Variants in MMP10 observed in about 807,000 individuals in gnomAD.
MMP10 encodes the protein stromelysin-2.
In MMP10, 50 loss-of-function variants were observed where a neutral mutation model predicts 49.1. That is an observed-to-expected ratio of 1.02 (90% CI 0.81 to 1.29). MMP10 has a LOEUF of 1.29. Ranked by LOEUF, MMP10 falls within the 50% of genes most tolerant of loss-of-function variation. The pLI is 0.00. For missense variants in MMP10, 613 were observed against 563.8 expected, an observed-to-expected ratio of 1.09 and a Z score of -0.88; for synonymous variants, 229 against 201.6, an observed-to-expected ratio of 1.14 and a Z score of -1.15.
Position 102,779,547 on chromosome 11 carries a change from A to G in MMP10, c.304T>C (p.Phe102Leu). ...TTCCTCCACTTCGGCATGCCAGGAA[A>G]GGAGCTGAAGTGACCAACGTCAGGA... ...GVPDVGHFSS[F>L]PGMPKWRKTH... The change falls in exon 2 of 10, where the codon TTT becomes CTT. Residue 102 changes from phenylalanine to leucine, a missense_variant. Coordinates refer to ENST00000279441, the MANE Select transcript of MMP10 (RefSeq NM_002425.3). The G allele has an allele frequency of 6.2e-7, 1 of 1,614,112 alleles. No homozygotes were observed. Among genetic ancestry groups the G allele is most frequent in the Non-Finnish European group, 8.5e-7 (1 of 1,180,026 alleles).
intron 1 of MMP10, among the ~76,000 whole-genome samples, chr11:102,780,130 A>G (rs1325073732): frequency 4.6e-5 from 7 of 152,188 alleles, no homozygotes; most frequent in Non-Finnish European, 2.9e-5. Flanking sequence ...TATGAAAACT[A>G]TTACCTGATA....
At position 102,779,415 on chromosome 11, in the gene MMP10, T is replaced by A. The variant is rs1315951007; in HGVS notation, c.348-54A>T. 6 of 1,608,506 alleles carry A rather than the reference T, an allele frequency of 3.7e-6. No individual in the cohort carries two copies. In the African/African-American group the frequency reaches 6.7e-5, roughly 18 times the overall value. ...ATTTTCTCCTGCCTTTATGAAAAAT[T>A]GTTAAAGAAAACTTTATGTTACTTA... On this transcript the variant is annotated intron_variant, in intron 2 of 9. Transcript: ENST00000279441.
At chr11:102,774,340 GCAA>G (rs1380554671) in intron 7 of MMP10, among the ~76,000 whole-genome samples, 1 of 151,730 alleles carries the variant, frequency 6.6e-6, no homozygotes, top group Non-Finnish European at 1.5e-5. Flanking sequence ...AAAAATTAAG[GCAA>G]CAATAAAGAT....
chr11:102,770,568 T>C lies in MMP10; in HGVS notation c.*225A>G, dbSNP rs1212207177. The C allele has an allele frequency of 2.4e-6, 1 of 417,852 alleles. No homozygotes were observed. The allele number at this position is 417,852 out of a possible 1,614,324, so 25.9% of individuals were successfully genotyped here. A position where few individuals can be genotyped will look rare whatever the true frequency, so the allele number is the denominator to read the frequency against. ...ATAACACATCTATGAAAATACATTC[T>C]CTCACCTATTGCACATGAGTATTTC... is the stretch of plus-strand genomic sequence containing the variant. On this transcript the variant is annotated 3_prime_UTR_variant, in exon 10 of 10. Coordinates refer to ENST00000279441, the MANE Select transcript of MMP10 (RefSeq NM_002425.3).
At position 102,776,681 on chromosome 11, in the gene MMP10, T is replaced by C; in HGVS notation, c.718A>G (p.Asn240Asp). Residue 240 changes from asparagine to aspartate, a missense_variant, in exon 5 of 10, where the codon AAC becomes GAC. Physicochemically the swap from Asn to Asp is conservative, Grantham distance 23. Transcript: ENST00000279441. ...AACTGGGCGAGCTCTGTGAATGAGT[T>C]GTAGAGTGGGTACATCAAAGCTTCA... is the stretch of plus-strand genomic sequence containing the variant. ...NTEALMYPLY[N>D]SFTELAQFRL... is the part of the protein sequence containing the mutation. 4 of 1,613,988 alleles carry C rather than the reference T, an allele frequency of 2.5e-6. No individual in the cohort carries two copies. The highest frequency in any genetic ancestry group is 3.4e-6 in the Non-Finnish European group (4 of 1,179,952).
intron 7 of MMP10, 51 bp downstream of exon 7, chr11:102,775,137 T>G (rs1862009265): frequency 7.3e-7 from 1 of 1,375,864 alleles, no homozygotes; most frequent in East Asian, 2.5e-5. Flanking sequence ...TCAATAAAAT[T>G]TTTGCAATAG....
At chr11:102,774,851 T>C (rs1238951427) in intron 7 of MMP10, among the ~76,000 whole-genome samples, 1 of 152,218 alleles carries the variant, frequency 6.6e-6, no homozygotes, top group Non-Finnish European at 1.5e-5. Flanking sequence ...ATCCTGGCTA[T>C]TCTTGGCCTT....
intron 6 of MMP10, 136 bp from the exon 7 acceptor site, chr11:102,775,457 G>A: frequency 1.6e-6 from 1 of 623,158 alleles, no homozygotes; most frequent in Non-Finnish European, 2.6e-6. Context: ...TGTGATTCCA[G>A]GGTAATGAAA....
chr11:102,776,795 T>C lies in MMP10; in HGVS notation c.623-19A>G. 1.9e-6 allele frequency: 3 copies of C among 1,613,756 alleles called. No individual in the cohort carries two copies. The highest frequency in any genetic ancestry group is 2.5e-6 in the Non-Finnish European group (3 of 1,179,866). On this transcript the variant is annotated intron_variant, in intron 4 of 9. Coordinates refer to ENST00000279441, the MANE Select transcript of MMP10 (RefSeq NM_002425.3). ...TTGGTGCCTGTATGAAAATCATAAA[T>C]GTTCAGAATTCACCAGCTCTTTCTT...
In MMP10 at chr11:102,779,639, C is replaced by T. The variant is rs370170526; in HGVS notation, c.212G>A (p.Gly71Glu). The change falls in exon 2 of 10, where the codon GGG (glycine) becomes GAG (glutamate). Residue 71 changes from glycine to glutamate, a missense_variant. Physicochemically the swap from Gly to Glu is moderately conservative, Grantham distance 98. Transcript: ENST00000279441. ...KKIQGMQKFLGLEVTGKLDTD... is the reference protein window; with the variant it reads ...KKIQGMQKFLELEVTGKLDTD... ...GTCTAGCTTCCCTGTCACCTCCAAC[C>T]CAAGGAACTTCTGCATTCCTTGGAT... is the stretch of plus-strand genomic sequence containing the variant. The T allele has an allele frequency of 2.5e-6, 4 of 1,613,916 alleles. No individual in the cohort carries two copies. The highest frequency in any genetic ancestry group is 1.3e-5 in the African/African-American group (1 of 74,920).
chr11:102,773,751 A>G (rs1438037948), intron 7 of MMP10, among the ~76,000 whole-genome samples: 2 of 151,720 alleles, frequency 1.3e-5, no homozygotes, highest in South Asian at 2.1e-4. Flanking sequence ...TCCTAACATC[A>G]CCTCCCCTAA....
At chr11:102,776,573 T>G (rs748707438) in intron 5 of MMP10, 39 bp downstream of exon 5, 2 of 1,598,156 alleles carry the variant, frequency 1.3e-6, no homozygotes, top group Non-Finnish European at 1.7e-6. Flanking sequence ...GGACTGTCAT[T>G]GTAGATCTGC....
chr11:102,779,806 A>G lies in MMP10; in HGVS notation c.106-61T>C. ...ATTTTCCATCATTTATCCAACTTTT[A>G]TAATCCATCGTAATTTTCCTCTAGT... On this transcript the variant is annotated intron_variant, in intron 1 of 9. Transcript: ENST00000279441. 3.2e-6 allele frequency: 5 copies of G among 1,542,080 alleles called. No homozygotes were observed. In the South Asian group the frequency reaches 3.7e-5, roughly 11 times the overall value.
intron 2 of MMP10, 39 bp from the exon 3 acceptor site, chr11:102,779,400 G>A (rs1259669006): frequency 6.2e-7 from 1 of 1,609,438 alleles, no homozygotes; most frequent in Admixed American, 1.7e-5. Flanking sequence ...ATTTTCTCCT[G>A]CCTTTATGAA....
rs757604522 is a variant in MMP10, at chr11:102,776,809, C to A, written c.623-33G>T. On this transcript the variant is annotated intron_variant, in intron 4 of 9. Transcript: ENST00000279441. ...AAAATCATAAATGTTCAGAATTCAC[C>A]AGCTCTTTCTTCCATAAATACACAT... 1.6e-5 allele frequency: 26 copies of A among 1,612,954 alleles called. No individual in the cohort carries two copies. The South Asian group carries it at 2.9e-4, about 18-fold the overall frequency.
At chr11:102,774,388 AT>A (rs1302501969) in intron 7 of MMP10, among the ~76,000 whole-genome samples, 6 of 152,210 alleles carry the variant, frequency 3.9e-5, no homozygotes, top group African/African-American at 1.4e-4. Context: ...AAATCAAAAT[AT>A]AATATAGAGA....
chr11:102,772,913 A>AT lies in MMP10; in HGVS notation c.1159dup (p.Ile387AsnfsTer2). ...TTCCTTGTCAGAAACAGCTGCATCA[A>AT]TTTTCCTTATGGTTGGAGGAAAACC... On this transcript the variant is annotated frameshift_variant, in exon 8 of 10. Transcript: ENST00000279441. LOFTEE classifies it high-confidence loss of function. This position sits in a 1 kb window ranked among gnomAD's most constrained non-coding sequence, Gnocchi z 4.4. 8 of 1,613,722 alleles carry AT rather than the reference A, an allele frequency of 5.0e-6. No homozygotes were observed. Among genetic ancestry groups the AT allele is most frequent in the Non-Finnish European group, 6.8e-6 (8 of 1,179,792 alleles).
At chr11:102,776,226 C>T (rs1857730381) in intron 6 of MMP10, 54 bp downstream of exon 6, 2 of 1,503,982 alleles carry the variant, frequency 1.3e-6, no homozygotes, top group African/African-American at 2.8e-5. Context: ...GTTTTTCTTT[C>T]TAAGCACTGT....
chr11:102,778,880 C>G (rs990854943), intron 3 of MMP10, 131 bp from the exon 4 acceptor site: 1 of 1,117,650 alleles, frequency 8.9e-7, no homozygotes, highest in East Asian at 2.5e-5. Context: ...AAACTCAATG[C>G]CCAATGAAAT....
Sources: gnomAD v4.1 joint callset for allele counts (sites outside exome capture counted in the v4.1 genomes callset) on GRCh38, gnomAD v4.1.1 for gene constraint, Gnocchi (gnomAD v3.1) non-coding constraint, MANE v1.5 for transcripts, NCBI Gene and HGNC (gene_info 2026-07-23, HGNC 2026-07-21) for gene names.